The following MAPKBP1 variants were observed in gnomAD, a reference collection of about 807,000 sequenced individuals.
The protein encoded by MAPKBP1 is mitogen-activated protein kinase binding protein 1.
Under a neutral mutation model 170.5 loss-of-function variants are expected in MAPKBP1, and 71 were observed. The observed-to-expected ratio is 0.42, with a 90% CI of 0.34 to 0.51. The LOEUF (loss-of-function observed/expected upper bound fraction) is 0.51, where lower values mean the gene tolerates loss of function less well. Among genes scored for constraint, MAPKBP1 ranks in the 20% least tolerant of loss-of-function variants. The pLI, the probability that MAPKBP1 is intolerant of heterozygous loss-of-function variation, is 0.06. For missense variants in MAPKBP1, 1,598 were observed against 1,933.0 expected (o/e 0.83, Z 3.25); for synonymous variants, 719 against 757.9 (o/e 0.95, Z 0.84).
At chr15:41,816,461 A>T (rs2064892810) in intron 12 of MAPKBP1, 98 bp from the exon 13 acceptor site, 2 of 811,848 alleles carry the variant, frequency 2.5e-6, no homozygotes, top group Admixed American at 4.6e-5. Context: ...AAAAGTTCAA[A>T]AAAAGGAAAA....
In MAPKBP1 at chr15:41,821,012, C is replaced by T. The variant is rs763338888; in HGVS notation, c.2662C>T (p.Pro888Ser). 7 of 1,614,182 alleles carry T rather than the reference C, an allele frequency of 4.3e-6. No homozygotes were observed. In the South Asian group the frequency reaches 6.6e-5, roughly 15 times the overall value. The change falls in exon 23 of 31, where the codon CCA (proline) becomes TCA (serine). Residue 888 changes from proline to serine, a missense_variant. Coordinates refer to ENST00000457542, the MANE Select transcript of MAPKBP1 (RefSeq NM_014994.3). ...TAGCCAGGACTCGCTGGCCATCATC[C>T]CATCTGGTCCCAGGAAGCATGGGCA... ...DPSQDSLAII[P>S]SGPRKHGQEA...
At position 41,818,116 on chromosome 15, in the gene MAPKBP1, C is replaced by T. The variant is rs750191205; in HGVS notation, c.1980+32C>T. The T allele has an allele frequency of 8.1e-6, 13 of 1,611,756 alleles. No homozygotes were observed. The African/African-American group carries it at 1.5e-4, about 18-fold the overall frequency. On this transcript the variant is annotated intron_variant, in intron 17 of 30. Transcript: ENST00000457542. The surrounding 1 kb of genome is among the most constrained non-coding windows in gnomAD (Gnocchi z 5.2). Reference sequence around the variant, plus strand: ...ACCCAGAGGGGGTACTGGACAGGGGCTCGGGGACAGAGTGGTGCTGGGTGG... The same window carrying T: ...ACCCAGAGGGGGTACTGGACAGGGGTTCGGGGACAGAGTGGTGCTGGGTGG...
intron 3 of MAPKBP1, among the ~76,000 whole-genome samples, chr15:41,808,648 G>A (rs2064748413): frequency 6.6e-6 from 1 of 150,764 alleles, no homozygotes; most frequent in Non-Finnish European, 1.5e-5. Context: ...GCTTATTTTT[G>A]TATTTTTAGT....
At chr15:41,816,210 A>T (rs2064888788) in intron 12 of MAPKBP1, 1 of 364,700 alleles carries the variant, frequency 2.7e-6, no homozygotes, top group East Asian at 5.1e-5. Context: ...AGACCACAGA[A>T]GTCTAAGGAG....
In MAPKBP1 at chr15:41,819,398, T is replaced by C. The variant is rs757144056; in HGVS notation, c.2425+19T>C. ...GCACTGGGTCTGTGGCAGTTGGGTG[T>C]GGGGGCAGACAGGCCCTAGTTGGTA... On this transcript the variant is annotated intron_variant, in intron 21 of 30. Transcript: ENST00000457542. The C allele has an allele frequency of 3.7e-6, 6 of 1,613,200 alleles. No individual in the cohort carries two copies. In the African/African-American group the frequency reaches 8.0e-5, roughly 22 times the overall value.
Position 41,825,906 on chromosome 15 carries a change from T to C in MAPKBP1, c.*470T>C, listed in dbSNP as rs2065083621. The stretch of plus-strand genomic sequence containing the variant: ...TTCACCTCTACCTGCACTTCCCCTC[T>C]CACACCAGCTGCACTCCCGTGGCTG... On this transcript the variant is annotated 3_prime_UTR_variant, in exon 31 of 31. Coordinates refer to ENST00000457542, the MANE Select transcript of MAPKBP1 (RefSeq NM_014994.3). 6.5e-6 allele frequency: 1 copy of C among 153,540 alleles called. No homozygotes were observed. Among genetic ancestry groups the C allele is most frequent in the Middle Eastern group, 3.2e-3 (1 of 316 alleles). The allele number at this position is 153,540 out of a possible 1,614,324, so 9.5% of individuals were successfully genotyped here. A position where few individuals can be genotyped will look rare whatever the true frequency, so the allele number is the denominator to read the frequency against.
chr15:41,786,611 A>T (rs1250243059), intron 2 of MAPKBP1, among the ~76,000 whole-genome samples: 1 of 150,344 alleles, frequency 6.7e-6, no homozygotes, highest in Non-Finnish European at 1.5e-5. Context: ...AAAAATACAA[A>T]AAAATTAGCT....
intron 3 of MAPKBP1, among the ~76,000 whole-genome samples, chr15:41,806,189 A>T (rs1477587113): frequency 6.6e-6 from 1 of 152,182 alleles, no homozygotes; most frequent in South Asian, 2.1e-4. Flanking sequence ...CCCCACCCCC[A>T]GTGTAAGTTA....
chr15:41,822,815 C>G, intron 27 of MAPKBP1, 124 bp from the exon 28 acceptor site: 1 of 1,473,564 alleles, frequency 6.8e-7, no homozygotes, highest in Non-Finnish European at 9.3e-7. Flanking sequence ...CTGGCCTTTC[C>G]CCAGCCCTAT....
chr15:41,783,720 A>G (rs1226504688), intron 2 of MAPKBP1, among the ~76,000 whole-genome samples: 1 of 152,222 alleles, frequency 6.6e-6, no homozygotes, highest in African/African-American at 2.4e-5. Context: ...AGCTGGGAGC[A>G]TGCTCAGAAA....
At chr15:41,781,445 C>G (rs1196439328) in intron 2 of MAPKBP1, among the ~76,000 whole-genome samples, 2 of 141,980 alleles carry the variant, frequency 1.4e-5, no homozygotes, top group African/African-American at 5.3e-5. Flanking sequence ...TATGCCTTAT[C>G]TCTCCTCCTA....
intron 23 of MAPKBP1, 200 bp from the exon 24 acceptor site, chr15:41,821,384 A>G (rs987546702): frequency 1.6e-6 from 1 of 616,120 alleles, no homozygotes; most frequent in Non-Finnish European, 2.9e-6. Flanking sequence ...AGAAGCTCAC[A>G]TCAGCAACTG....
chr15:41,790,943 T>G (rs915137345), intron 2 of MAPKBP1, among the ~76,000 whole-genome samples: 1 of 152,210 alleles, frequency 6.6e-6, no homozygotes, highest in Admixed American at 6.5e-5. Flanking sequence ...GGCCTTGGCT[T>G]CTTCTGTGGC....
Position 41,814,631 on chromosome 15 carries a change from T to G in MAPKBP1, c.1062T>G (p.Ser354=). 1.9e-6 allele frequency: 3 copies of G among 1,614,238 alleles called. No individual in the cohort carries two copies. The highest frequency in any genetic ancestry group is 2.5e-6 in the Non-Finnish European group (3 of 1,180,050). ...LTFDPTNQWL[S]CVYNDHSIYV... ...TTGATCCTACTAATCAGTGGCTGTC[T>G]TGTGTGTACAACGATCATAGCATTT... Residue 354 remains serine (S), a synonymous_variant, in exon 10 of 31, where the codon TCT becomes TCG. Transcript: ENST00000457542.
Position 41,827,318 on chromosome 15 carries a change from G to A in MAPKBP1, c.*1882G>A, listed in dbSNP as rs2140865420. 1 of 151,634 alleles carries A rather than the reference G, an allele frequency of 6.6e-6. No individual in the cohort carries two copies. Among genetic ancestry groups the A allele is most frequent in the South Asian group, 2.1e-4 (1 of 4,824 alleles). The allele number at this position is 151,634 out of a possible 1,614,324, so 9.4% of individuals were successfully genotyped here. Reference sequence around the variant, plus strand: ...CCATCTCAAAAAAAAAAAAGAAAAAGGGTTACAAAAGGTTCCCAGCTCCGG... The same window carrying A: ...CCATCTCAAAAAAAAAAAAGAAAAAAGGTTACAAAAGGTTCCCAGCTCCGG... On this transcript the variant is annotated 3_prime_UTR_variant, in exon 31 of 31. Coordinates refer to ENST00000457542, the MANE Select transcript of MAPKBP1 (RefSeq NM_014994.3).
In MAPKBP1 at chr15:41,826,266, C is replaced by G. The variant is rs1415945102; in HGVS notation, c.*830C>G. ...GCCGGCTGCTGGAGCCCAGAGGCCA[C>G]CTTCTCCCTGCATCCTGAATGATGC... On this transcript the variant is annotated 3_prime_UTR_variant, in exon 31 of 31. Coordinates refer to ENST00000457542, the MANE Select transcript of MAPKBP1 (RefSeq NM_014994.3). 6.5e-6 allele frequency: 1 copy of G among 152,786 alleles called. No individual in the cohort carries two copies. Among genetic ancestry groups the G allele is most frequent in the African/African-American group, 2.4e-5 (1 of 41,454 alleles). The allele number at this position is 152,786 out of a possible 1,614,324, so 9.5% of individuals were successfully genotyped here.
At chr15:41,789,547 G>C (rs578087043) in intron 2 of MAPKBP1, among the ~76,000 whole-genome samples, 1 of 151,986 alleles carries the variant, frequency 6.6e-6, no homozygotes, top group Admixed American at 6.5e-5. Flanking sequence ...ATCTGCATAC[G>C]AAATCAGCTT....
rs758888066 is a variant in MAPKBP1 at position 41,818,326 on chromosome 15, C to T, written c.2092+21C>T. 14 of 1,588,822 alleles carry T rather than the reference C, an allele frequency of 8.8e-6. No individual in the cohort carries two copies. The highest frequency in any genetic ancestry group is 1.7e-4 in the Middle Eastern group (1 of 6,032). ...CTCAGGTGAGTGTAGCCTGAATCCC[C>T]GAGTAGAAGCTGATACCTGCGTAAA... On this transcript the variant is annotated intron_variant, in intron 18 of 30. Transcript: ENST00000457542. The surrounding 1 kb of genome is among the most constrained non-coding windows in gnomAD (Gnocchi z 5.2).
intron 22 of MAPKBP1, among the ~76,000 whole-genome samples, chr15:41,820,233 GAGTGATGATGCTGT>G (rs2064971965): frequency 1.3e-5 from 2 of 152,154 alleles, no homozygotes; most frequent in African/African-American, 4.8e-5. Context: ...CAGTTTCACA[GAGTGATGATGCTGT>G]GGTGTCTCTG....
Sources: allele counts gnomAD v4.1 joint callset (sites outside exome capture counted in the v4.1 genomes callset), GRCh38; gene constraint gnomAD v4.1.1; non-coding constraint Gnocchi (gnomAD v3.1); transcripts MANE v1.5; gene names NCBI Gene and HGNC (gene_info 2026-07-23, HGNC 2026-07-21).